Variants in LRP1 observed in about 807,000 individuals in gnomAD.
LRP1 encodes LDL receptor related protein 1.
LRP1 carries 51 observed loss-of-function variants against 541.5 expected under a neutral mutation model. That is an observed-to-expected ratio of 0.09 (90% CI 0.08 to 0.12). The LOEUF is 0.12. Ranked by LOEUF, LRP1 falls within the 10% of genes least tolerant of loss-of-function variation. The pLI is 1.00. For missense variants in LRP1, 3,878 were observed against 6,376.2 expected (o/e 0.61, Z 13.34); for synonymous variants, 2,219 against 2,470.8 (o/e 0.90, Z 3.02).
At position 57,204,350 on chromosome 12, in the gene LRP1, G is replaced by A; in HGVS notation, c.10952-60G>A. 6.8e-7 allele frequency: 1 copy of A among 1,461,542 alleles called. No homozygotes were observed. The highest frequency in any genetic ancestry group is 2.4e-5 in the Admixed American group (1 of 42,484). The allele number at this position is 1,461,542 out of a possible 1,614,324, so 90.5% of individuals were successfully genotyped here. On this transcript the variant is annotated intron_variant, in intron 70 of 88. Transcript: ENST00000243077. This position sits in a 1 kb window ranked among gnomAD's most constrained non-coding sequence, Gnocchi z 5.3. ...TCTGAGCCTGGAACCCCCACCTGTG[G>A]AGACAGGGGTCTGGGTGGGCTCATG...
chr12:57,160,838 G>A, intron 12 of LRP1, 55 bp from the exon 13 acceptor site: 2 of 1,394,554 alleles, frequency 1.4e-6, no homozygotes, highest in South Asian at 1.2e-5. Flanking sequence ...GGATCACAGG[G>A]GAGGCTGTTG....
At position 57,183,273 on chromosome 12, in the gene LRP1, G is replaced by A. The variant is rs568195291; in HGVS notation, c.5663-106G>A. ...GGGTGGAGGATAGGGATGATGGTGG[G>A]GGGGGATGATATCAAAGGAGAAGCA... On this transcript the variant is annotated intron_variant, in intron 34 of 88. Transcript: ENST00000243077. This position sits in a 1 kb window ranked among gnomAD's most constrained non-coding sequence, Gnocchi z 6.1. 1.1e-5 allele frequency: 14 copies of A among 1,230,204 alleles called. No individual in the cohort carries two copies. The South Asian group carries it at 1.2e-4, about 11-fold the overall frequency. The allele number at this position is 1,230,204 out of a possible 1,614,324, so 76.2% of individuals were successfully genotyped here. A position where few individuals can be genotyped will look rare whatever the true frequency, so the allele number is the denominator to read the frequency against.
At chr12:57,136,403 C>CCCT (rs1555179779) in intron 1 of LRP1, among the ~76,000 whole-genome samples, 1 of 147,484 alleles carries the variant, frequency 6.8e-6, no homozygotes, top group Non-Finnish European at 1.5e-5. Flanking sequence ...GAGCCCCCCC[C>CCCT]CCCCGCCATT....
At chr12:57,175,061 A>T (rs1391003528) in intron 22 of LRP1, among the ~76,000 whole-genome samples, 1 of 151,980 alleles carries the variant, frequency 6.6e-6, no homozygotes, top group Non-Finnish European at 1.5e-5. Flanking sequence ...CCCACCCCAA[A>T]CCCCTCCAAA....
intron 18 of LRP1, 64 bp from the exon 19 acceptor site, chr12:57,167,380 T>A: frequency 1.6e-6 from 2 of 1,213,338 alleles, no homozygotes; most frequent in Middle Eastern, 3.8e-4. Context: ...TGCACTCACC[T>A]GCCCAGTACT....
Position 57,179,779 on chromosome 12 carries a change from C to T in LRP1, c.4967-3C>T. 5 of 1,613,440 alleles carry T rather than the reference C, an allele frequency of 3.1e-6. No individual in the cohort carries two copies. Among genetic ancestry groups the T allele is most frequent in the Non-Finnish European group, 4.2e-6 (5 of 1,179,666 alleles). ...ACAACTGACTCCCTACTTGTGCCCC[C>T]AGACTTGCCAAATGCCCACGGGCTG... On this transcript the variant is annotated splice_region_variant and splice_polypyrimidine_tract_variant and intron_variant, in intron 29 of 88. Coordinates refer to ENST00000243077, the MANE Select transcript of LRP1 (RefSeq NM_002332.3). This position sits in a 1 kb window ranked among gnomAD's most constrained non-coding sequence, Gnocchi z 6.8.
At chr12:57,207,313 AT>A (rs1463076946) in intron 76 of LRP1, among the ~76,000 whole-genome samples, 6 of 148,818 alleles carry the variant, frequency 4.0e-5, no homozygotes, top group Middle Eastern at 3.5e-3. Flanking sequence ...AAATAAATAA[AT>A]AAATAAATAA....
chr12:57,179,940 G>A lies in LRP1; in HGVS notation c.5125G>A (p.Val1709Ile), dbSNP rs777149357. 18 of 1,613,914 alleles carry A rather than the reference G, an allele frequency of 1.1e-5. No homozygotes were observed. The highest frequency in any genetic ancestry group is 1.3e-5 in the Non-Finnish European group (15 of 1,180,012). Reference sequence around the variant, plus strand: ...CCTGGAGCAGCCCCATGGCCTTGTCGTCCACCCTCTGCGTGGGTCAGTCTA... The same window carrying A: ...CCTGGAGCAGCCCCATGGCCTTGTCATCCACCCTCTGCGTGGGTCAGTCTA... ...QGLEQPHGLV[V>I]HPLRGKLYWT... Residue 1709 changes from valine (V) to isoleucine (I), a missense_variant, in exon 30 of 89, where the codon GTC becomes ATC. Val to Ile is a conservative substitution (Grantham distance 29). Around this residue, in one of 13 missense-constraint regions of LRP1, gnomAD observed 394 missense variants for 635.9 expected, o/e 0.62. Coordinates refer to ENST00000243077, the MANE Select transcript of LRP1 (RefSeq NM_002332.3). The surrounding 1 kb of genome is among the most constrained non-coding windows in gnomAD (Gnocchi z 6.8).
In LRP1 at chr12:57,171,594, G is replaced by A. The variant is rs2035944699; in HGVS notation, c.3164-1574G>A. 2.0e-5 allele frequency among the ~76,000 whole-genome samples: 3 copies of A among 152,176 alleles called. No homozygotes were observed. The South Asian group carries it at 6.2e-4, about 32-fold the overall frequency. ...CTGGGAACCTTTGAAGGATTTCCAA[G>A]CCGGAAGGTGCTGTGATGTAGGAGG... On this transcript the variant is annotated intron_variant, in intron 20 of 88. Coordinates refer to ENST00000243077, the MANE Select transcript of LRP1 (RefSeq NM_002332.3).
chr12:57,205,206 C>G lies in LRP1; in HGVS notation c.11292C>G (p.Phe3764Leu). ...CCTCCTCCCTGCGCTGCAACATGTT[C>G]GATGACTGCGGGGACGGCTCTGACG... is the stretch of plus-strand genomic sequence containing the variant. ...CLSSSLRCNM[F>L]DDCGDGSDEE... Residue 3764 changes from phenylalanine to leucine, a missense_variant, in exon 73 of 89, where the codon TTC becomes TTG. Around this residue, in one of 13 missense-constraint regions of LRP1, gnomAD observed 871 missense variants for 1,212.4 expected, o/e 0.72. Coordinates refer to ENST00000243077, the MANE Select transcript of LRP1 (RefSeq NM_002332.3). This position sits in a 1 kb window ranked among gnomAD's most constrained non-coding sequence, Gnocchi z 4.6. 2 of 1,613,894 alleles carry G rather than the reference C, an allele frequency of 1.2e-6. No homozygotes were observed. The highest frequency in any genetic ancestry group is 1.3e-5 in the African/African-American group (1 of 75,050).
Position 57,187,407 on chromosome 12 carries a change from A to G in LRP1, c.6982A>G (p.Met2328Val). The change falls in exon 42 of 89, where the codon ATG (methionine) becomes GTG (valine). Residue 2328 changes from methionine to valine, a missense_variant. Met to Val is a conservative substitution (Grantham distance 21). Coordinates refer to ENST00000243077, the MANE Select transcript of LRP1 (RefSeq NM_002332.3). ...CTTCGAGCGTGAGACCGTCATCACT[A>G]TGTCTGGAGATGACCACCCACGGGC... ...GAFERETVITMSGDDHPRAFV... is the reference protein window; with the variant it reads ...GAFERETVITVSGDDHPRAFV... 6.2e-7 allele frequency: 1 copy of G among 1,614,110 alleles called. No homozygotes were observed. The highest frequency in any genetic ancestry group is 8.5e-7 in the Non-Finnish European group (1 of 1,180,016).
In LRP1 at chr12:57,201,575, G is replaced by T. The variant is rs1210735326; in HGVS notation, c.10424G>T (p.Arg3475Leu). Residue 3475 changes from arginine (R) to leucine (L), a missense_variant, in exon 66 of 89, where the codon CGG becomes CTG. Physicochemically the swap from Arg to Leu is moderately radical, Grantham distance 102 (BLOSUM62 -2). Transcript: ENST00000243077. The surrounding 1 kb of genome is among the most constrained non-coding windows in gnomAD (Gnocchi z 6.4). ...RCIPRVWVCD[R>L]DNDCVDGSDE... ...ATCCCCCGGGTCTGGGTCTGCGACC[G>T]GGACAATGACTGTGTGGATGGCAGT... The T allele has an allele frequency of 6.2e-7, 1 of 1,614,028 alleles. No homozygotes were observed. The highest frequency in any genetic ancestry group is 8.5e-7 in the Non-Finnish European group (1 of 1,179,974).
At chr12:57,198,814 G>T (rs2036588880) in intron 60 of LRP1, 144 bp downstream of exon 60, 4 of 848,640 alleles carry the variant, frequency 4.7e-6, no homozygotes, top group South Asian at 1.7e-5. Flanking sequence ...TGGGGTGTGG[G>T]GTTCAGAGCA....
rs1212992507 is a variant in LRP1 at position 57,184,479 on chromosome 12, C to T, written c.6186+27C>T. On this transcript the variant is annotated intron_variant, in intron 38 of 88. Transcript: ENST00000243077. The surrounding 1 kb of genome is among the most constrained non-coding windows in gnomAD (Gnocchi z 7.8). Reference sequence around the variant, plus strand: ...TTCGCACGCCAACTTGGCCTTGGATCCGATGGTAGACCCCTGACCCAGGCT... The same window carrying T: ...TTCGCACGCCAACTTGGCCTTGGATTCGATGGTAGACCCCTGACCCAGGCT... The T allele has an allele frequency of 1.9e-6, 3 of 1,613,748 alleles. No homozygotes were observed. Among genetic ancestry groups the T allele is most frequent in the Non-Finnish European group, 2.5e-6 (3 of 1,179,872 alleles).
Position 57,183,307 on chromosome 12 carries a change from T to G in LRP1, c.5663-72T>G. 1 of 1,498,210 alleles carries G rather than the reference T, an allele frequency of 6.7e-7. No homozygotes were observed. Among genetic ancestry groups the G allele is most frequent in the Non-Finnish European group, 9.1e-7 (1 of 1,093,418 alleles). The allele number at this position is 1,498,210 out of a possible 1,614,324, so 92.8% of individuals were successfully genotyped here. ...ATATCAAAGGAGAAGCAGAGAACAG[T>G]TGGAGGGTGACAGGAACCAAGTTTA... On this transcript the variant is annotated intron_variant, in intron 34 of 88. Coordinates refer to ENST00000243077, the MANE Select transcript of LRP1 (RefSeq NM_002332.3). The surrounding 1 kb of genome is among the most constrained non-coding windows in gnomAD (Gnocchi z 6.1).
chr12:57,200,097 C>A, intron 62 of LRP1, 72 bp downstream of exon 62: 1 of 1,331,610 alleles, frequency 7.5e-7, no homozygotes, highest in Admixed American at 2.4e-5. Flanking sequence ...GACCCCAACA[C>A]CTGCTCTGTC....
intron 20 of LRP1, 72 bp downstream of exon 20, chr12:57,169,379 G>A: frequency 1.4e-6 from 2 of 1,427,268 alleles, no homozygotes; most frequent in South Asian, 1.3e-5. Context: ...CTATCCATCT[G>A]TCTTTCAGAC....
chr12:57,173,707 C>T lies in LRP1; in HGVS notation c.3347-73C>T, dbSNP rs1205528276. ...ATCCTGACCCTATTAGAGAAGCCCA[C>T]AGGGTCTGGAAGGAAGGGCAGGGGG... On this transcript the variant is annotated intron_variant, in intron 21 of 88. Transcript: ENST00000243077. This position sits in a 1 kb window ranked among gnomAD's most constrained non-coding sequence, Gnocchi z 4.7. 1 of 1,498,602 alleles carries T rather than the reference C, an allele frequency of 6.7e-7. No individual in the cohort carries two copies. The highest frequency in any genetic ancestry group is 9.3e-7 in the Non-Finnish European group (1 of 1,076,966). 92.8% of individuals were successfully genotyped at this position (1,498,602 alleles called of 1,614,324 possible).
Position 57,185,047 on chromosome 12 carries a change from C to G in LRP1, c.6339-34C>G, listed in dbSNP as rs2036241184. ...ATCTCTTCCTTCCCTCCTGCCTCCACTGATGCCCTGCTTGTGCCCTGTCCT... is the reference window on the plus strand; with the variant it reads ...ATCTCTTCCTTCCCTCCTGCCTCCAGTGATGCCCTGCTTGTGCCCTGTCCT... On this transcript the variant is annotated intron_variant, in intron 39 of 88. Coordinates refer to ENST00000243077, the MANE Select transcript of LRP1 (RefSeq NM_002332.3). The surrounding 1 kb of genome is among the most constrained non-coding windows in gnomAD (Gnocchi z 4.9). The G allele has an allele frequency of 6.2e-7, 1 of 1,613,970 alleles. No homozygotes were observed. The highest frequency in any genetic ancestry group is 1.7e-5 in the Admixed American group (1 of 60,008).
Sources: allele counts gnomAD v4.1 joint callset (sites outside exome capture counted in the v4.1 genomes callset), GRCh38; gene constraint gnomAD v4.1.1; regional missense constraint gnomAD v4.1.1; non-coding constraint Gnocchi (gnomAD v3.1); transcripts MANE v1.5; gene names NCBI Gene and HGNC (gene_info 2026-07-23, HGNC 2026-07-21).